The following SLC9A2 variants were observed in gnomAD, a reference collection of about 807,000 sequenced individuals.
SLC9A2 encodes sodium/hydrogen exchanger 2.
In SLC9A2, 42 loss-of-function variants were observed where a neutral mutation model predicts 71.7. The observed-to-expected ratio is 0.59, with a 90% CI of 0.46 to 0.76. The LOEUF is 0.76. Ranked by LOEUF, SLC9A2 falls within the 30% of genes least tolerant of loss-of-function variation. SLC9A2 has a pLI of 0.00. For missense variants in SLC9A2, 829 were observed against 1,017.4 expected (o/e 0.81, Z 2.52); for synonymous variants, 396 against 392.5 (o/e 1.01, Z -0.10).
chr2:102,647,813 A>G (rs925994509), intron 1 of SLC9A2, among the ~76,000 whole-genome samples: 1 of 152,078 alleles, frequency 6.6e-6, no homozygotes, highest in Non-Finnish European at 1.5e-5. Flanking sequence ...ACCCCTAAGC[A>G]GACCAAAAAC....
intron 1 of SLC9A2, among the ~76,000 whole-genome samples, chr2:102,626,181 G>A (rs1167637212): frequency 6.6e-6 from 1 of 152,106 alleles, no homozygotes; most frequent in Non-Finnish European, 1.5e-5. Context: ...ATACTGCAAG[G>A]CTACAGTAAC....
At chr2:102,695,986 C>T (rs977969864) in intron 7 of SLC9A2, among the ~76,000 whole-genome samples, 1 of 151,452 alleles carries the variant, frequency 6.6e-6, no homozygotes, top group African/African-American at 2.4e-5. Context: ...GTAGACCAGA[C>T]AGGCAGAATT....
At chr2:102,658,110 G>A in intron 2 of SLC9A2, 83 bp downstream of exon 2, 1 of 1,048,412 alleles carries the variant, frequency 9.5e-7, no homozygotes, top group Non-Finnish European at 1.4e-6. Context: ...TCAACTGGCA[G>A]GGGCGAGACC....
At chr2:102,699,810 C>T (rs933984527) in intron 7 of SLC9A2, among the ~76,000 whole-genome samples, 27 of 152,106 alleles carry the variant, frequency 1.8e-4, no homozygotes, top group African/African-American at 5.3e-4. Flanking sequence ...TTCTGTTCTA[C>T]GCCCCTCTGC....
intron 1 of SLC9A2, among the ~76,000 whole-genome samples, chr2:102,624,400 G>T (rs576896357): frequency 6.6e-6 from 1 of 152,214 alleles, no homozygotes; most frequent in Admixed American, 6.5e-5. Flanking sequence ...GGGGTTCTAC[G>T]ACCTGGAATA....
At chr2:102,632,191 T>G (rs1010453864) in intron 1 of SLC9A2, among the ~76,000 whole-genome samples, 10 of 141,004 alleles carry the variant, frequency 7.1e-5, no homozygotes, top group Non-Finnish European at 1.5e-4. Context: ...CATATATATA[T>G]AAATGAAAGT....
At position 102,710,939 on chromosome 2, in the gene SLC9A2, A is replaced by C. The variant is rs1283454576; in HGVS notation, c.*2450A>C. ...TATAAATGAAAAGTCGGGGTTTATTACTTTATATGTAATGCTGAGAGGAGA... is the reference window on the plus strand; with the variant it reads ...TATAAATGAAAAGTCGGGGTTTATTCCTTTATATGTAATGCTGAGAGGAGA... On this transcript the variant is annotated 3_prime_UTR_variant, in exon 12 of 12. Coordinates refer to ENST00000233969, the MANE Select transcript of SLC9A2 (RefSeq NM_003048.6). The C allele has an allele frequency of 2.6e-5, 4 of 152,322 alleles. No individual in the cohort carries two copies. Among genetic ancestry groups the C allele is most frequent in the Non-Finnish European group, 5.9e-5 (4 of 68,030 alleles). The allele number at this position is 152,322 out of a possible 1,614,324, so 9.4% of individuals were successfully genotyped here.
chr2:102,693,327 C>A lies in SLC9A2; in HGVS notation c.1426-1087C>A, dbSNP rs184237752. On this transcript the variant is annotated intron_variant, in intron 5 of 11. Coordinates refer to ENST00000233969, the MANE Select transcript of SLC9A2 (RefSeq NM_003048.6). ...ACATCTAGCTCTTCATCTGTCTATT[C>A]TTCTCAGTTGACTGGGACATGCAGA... is the stretch of plus-strand genomic sequence containing the variant. Among the ~76,000 whole-genome samples the A allele has an allele frequency of 1.5e-3, 224 of 152,270 alleles. 2 individuals are homozygous for A. The highest frequency in any genetic ancestry group is 5.2e-3 in the African/African-American group (218 of 41,552).
At chr2:102,647,519 G>A (rs573958917) in intron 1 of SLC9A2, among the ~76,000 whole-genome samples, 1 of 152,078 alleles carries the variant, frequency 6.6e-6, no homozygotes, top group Non-Finnish European at 1.5e-5. Flanking sequence ...AGGAGATAGG[G>A]ACACCAAAAA....
At chr2:102,699,974 C>T (rs559993860) in intron 7 of SLC9A2, among the ~76,000 whole-genome samples, 11 of 152,118 alleles carry the variant, frequency 7.2e-5, no homozygotes, top group Admixed American at 1.3e-4. Flanking sequence ...CTTCTGTAAA[C>T]ACTAGATCTT....
rs931159163 is a variant in SLC9A2 at position 102,668,713 on chromosome 2, G to A, written c.1004+3363G>A. ...AGGACAGGCACCTGCTAGGCGGGGA[G>A]AGAGGTTAAACTGCTTCTGTAATGA... On this transcript the variant is annotated intron_variant, in intron 3 of 11. Coordinates refer to ENST00000233969, the MANE Select transcript of SLC9A2 (RefSeq NM_003048.6). Among the ~76,000 whole-genome samples the A allele has an allele frequency of 9.8e-5, 15 of 152,298 alleles. No individual in the cohort carries two copies. In the East Asian group the frequency reaches 2.9e-3, roughly 29 times the overall value.
intron 2 of SLC9A2, among the ~76,000 whole-genome samples, chr2:102,660,872 C>T (rs68020075): frequency 0.07 from 10,714 of 152,158 alleles, 582 homozygotes; most frequent in African/African-American, 0.15. Flanking sequence ...AGAGGTTAAT[C>T]GGAGAAAATT....
intron 1 of SLC9A2, among the ~76,000 whole-genome samples, chr2:102,622,623 T>C (rs1418494968): frequency 1.3e-5 from 2 of 152,178 alleles, no homozygotes; most frequent in Non-Finnish European, 2.9e-5. Flanking sequence ...TCCAGCCAGG[T>C]CTGTCTCATT....
At chr2:102,704,417 A>T in intron 9 of SLC9A2, 127 bp from the exon 10 acceptor site, 1 of 722,304 alleles carries the variant, frequency 1.4e-6, no homozygotes, top group Non-Finnish European at 2.2e-6. Flanking sequence ...TTTGCTCTGC[A>T]CAGAAGTTAT....
intron 1 of SLC9A2, among the ~76,000 whole-genome samples, chr2:102,640,740 C>T (rs1323743156): frequency 6.6e-6 from 1 of 152,168 alleles, no homozygotes; most frequent in African/African-American, 2.4e-5. Context: ...ACTCAACCTC[C>T]TGCCCTTCTC....
chr2:102,671,425 AC>A (rs751449757), intron 3 of SLC9A2, among the ~76,000 whole-genome samples: 5 of 152,140 alleles, frequency 3.3e-5, no homozygotes, highest in Non-Finnish European at 7.4e-5. Flanking sequence ...CAAAGCATAT[AC>A]CCCTTAATTT....
chr2:102,681,516 C>T (rs1048195248), intron 3 of SLC9A2, among the ~76,000 whole-genome samples: 2 of 152,218 alleles, frequency 1.3e-5, no homozygotes, highest in Admixed American at 1.3e-4. Flanking sequence ...TGCTCATAAA[C>T]TTGTTATAAG....
At chr2:102,621,017 C>T (rs757785759) in intron 1 of SLC9A2, among the ~76,000 whole-genome samples, 5 of 151,748 alleles carry the variant, frequency 3.3e-5, no homozygotes, top group South Asian at 4.2e-4. Flanking sequence ...ATTAGCCGGG[C>T]GTGGTGGTGG....
At position 102,657,497 on chromosome 2, in the gene SLC9A2, A is replaced by C. The variant is rs547986960; in HGVS notation, c.290-67A>C. ...AGGACCCACTGGTTCTATCAAAGGG[A>C]ACCAATTTCCTGTCTCCCAAATTCC... On this transcript the variant is annotated intron_variant, in intron 1 of 11. Transcript: ENST00000233969. 6 of 1,083,586 alleles carry C rather than the reference A, an allele frequency of 5.5e-6. No homozygotes were observed. In the East Asian group the frequency reaches 1.3e-4, roughly 23 times the overall value. 67.1% of individuals were successfully genotyped at this position (1,083,586 alleles called of 1,614,324 possible). A position where few individuals can be genotyped will look rare whatever the true frequency, so the allele number is the denominator to read the frequency against.
Sources: gnomAD v4.1 joint callset for allele counts (sites outside exome capture counted in the v4.1 genomes callset) on GRCh38, gnomAD v4.1.1 for gene constraint, MANE v1.5 for transcripts, NCBI Gene and HGNC (gene_info 2026-07-23, HGNC 2026-07-21) for gene names.